DPYD: variants seen among roughly 807,000 people sequenced by gnomAD.
DPYD encodes dihydropyrimidine dehydrogenase [NADP(+)].
A neutral mutation model predicts 116.2 loss-of-function variants in DPYD; 109 were observed. That is an observed-to-expected ratio of 0.94 (90% CI 0.80 to 1.10). The LOEUF (loss-of-function observed/expected upper bound fraction) is 1.10, where lower values mean the gene tolerates loss of function less well. Ranked by LOEUF, DPYD falls within the 50% of genes least tolerant of loss-of-function variation. The pLI, the probability that DPYD is intolerant of heterozygous loss-of-function variation, is 0.00. For synonymous variants in DPYD, 440 were observed against 432.0 expected (o/e 1.02, Z -0.23); for missense variants, 1,302 against 1,254.5 (o/e 1.04, Z -0.57).
intron 2 of DPYD, among the ~76,000 whole-genome samples, chr1:97,845,542 A>G (rs963062026): frequency 2.6e-5 from 4 of 152,172 alleles, no homozygotes; most frequent in Non-Finnish European, 5.9e-5. Flanking sequence ...GTTCTGTCAC[A>G]CAGTGAAGCT....
intron 13 of DPYD, among the ~76,000 whole-genome samples, chr1:97,460,107 A>G (rs1004034375): frequency 2.6e-5 from 4 of 152,198 alleles, no homozygotes; most frequent in Non-Finnish European, 5.9e-5. Flanking sequence ...TTTTTGTAGT[A>G]TGCAATTTTT....
chr1:97,613,673 TTAAG>T (rs1571061959), intron 8 of DPYD, among the ~76,000 whole-genome samples: 1 of 152,140 alleles, frequency 6.6e-6, no homozygotes, highest in East Asian at 1.9e-4. Context: ...AATATAGCGT[TTAAG>T]TAATAAAATG....
At chr1:97,327,386 C>A (rs116121466) in intron 16 of DPYD, among the ~76,000 whole-genome samples, 2,902 of 152,014 alleles carry the variant, frequency 0.019, 102 homozygotes, top group African/African-American at 0.066. Flanking sequence ...AACTATTTAC[C>A]ATAATTCATT....
intron 20 of DPYD, among the ~76,000 whole-genome samples, chr1:97,099,654 C>T (rs1650520447): frequency 6.6e-6 from 1 of 151,976 alleles, no homozygotes; most frequent in African/African-American, 2.4e-5. Context: ...AGAATAAAGT[C>T]CATTTATCTA....
chr1:97,289,049 C>T (rs1665939299), intron 18 of DPYD, among the ~76,000 whole-genome samples: 1 of 152,170 alleles, frequency 6.6e-6, no homozygotes, highest in South Asian at 2.1e-4. Flanking sequence ...TAAGAGAATA[C>T]TACAAACACC....
chr1:97,510,102 C>A (rs1247238096), intron 13 of DPYD, among the ~76,000 whole-genome samples: 1 of 151,030 alleles, frequency 6.6e-6, no homozygotes, highest in African/African-American at 2.4e-5. Flanking sequence ...ACAAAACAAA[C>A]AAACAAACAA....
chr1:97,415,327 A>G (rs12024396), intron 14 of DPYD, among the ~76,000 whole-genome samples: 65,983 of 151,944 alleles, frequency 0.43, 14,854 homozygotes, highest in Admixed American at 0.52. Flanking sequence ...ATAACACTTC[A>G]TCTACAATTA....
intron 20 of DPYD, among the ~76,000 whole-genome samples, chr1:97,178,023 C>CCA (rs1657409742): frequency 6.6e-6 from 1 of 151,986 alleles, no homozygotes; most frequent in Admixed American, 6.6e-5. Flanking sequence ...TCCAAAGGCC[C>CCA]CACCTCCTAA....
chr1:97,157,441 T>C (rs1436170591), intron 20 of DPYD, among the ~76,000 whole-genome samples: 4 of 152,118 alleles, frequency 2.6e-5, no homozygotes, highest in African/African-American at 9.7e-5. Context: ...TATCTACTTA[T>C]GTGGGATTTT....
chr1:97,653,058 A>G (rs1011012291), intron 8 of DPYD, among the ~76,000 whole-genome samples: 13 of 151,702 alleles, frequency 8.6e-5, no homozygotes, highest in African/African-American at 2.7e-4. Flanking sequence ...TAAAGACTCA[A>G]CCCCCTAGAT....
chr1:97,282,600 T>G (rs1665397965), intron 18 of DPYD, among the ~76,000 whole-genome samples: 1 of 152,106 alleles, frequency 6.6e-6, no homozygotes, highest in South Asian at 2.1e-4. Flanking sequence ...TATTTTAGGT[T>G]CAAGGGGTAC....
At chr1:97,179,831 T>C (rs1657531141) in intron 20 of DPYD, among the ~76,000 whole-genome samples, 1 of 152,126 alleles carries the variant, frequency 6.6e-6, no homozygotes, top group Non-Finnish European at 1.5e-5. Flanking sequence ...TTTTTAAGAT[T>C]ATACAGCATA....
chr1:97,719,140 A>T (rs1461653854), intron 5 of DPYD, among the ~76,000 whole-genome samples: 1 of 144,492 alleles, frequency 6.9e-6, no homozygotes. Flanking sequence ...AGGAATGACA[A>T]CACAAGATCC....
chr1:97,258,061 T>G (rs11165822), intron 18 of DPYD, among the ~76,000 whole-genome samples: 58,692 of 152,012 alleles, frequency 0.39, 12,186 homozygotes, highest in African/African-American at 0.54. Context: ...AGCAAAAGGA[T>G]ACAGATCTGG....
intron 19 of DPYD, among the ~76,000 whole-genome samples, chr1:97,202,189 G>A (rs1659257019): frequency 6.6e-6 from 1 of 152,108 alleles, no homozygotes; most frequent in Admixed American, 6.6e-5. Context: ...TGCCGAAATG[G>A]ATAAGTAGTT....
chr1:97,842,021 T>C (rs984069377), intron 2 of DPYD, among the ~76,000 whole-genome samples: 3 of 151,822 alleles, frequency 2.0e-5, no homozygotes, highest in Non-Finnish European at 2.9e-5. Flanking sequence ...ACTTCATAGA[T>C]ATTGCCTTTT....
chr1:97,531,219 T>C (rs1649603365), intron 12 of DPYD, among the ~76,000 whole-genome samples: 1 of 152,244 alleles, frequency 6.6e-6, no homozygotes, highest in South Asian at 2.1e-4. Context: ...TTTTCCCATA[T>C]GCTTCCTTCT....
intron 20 of DPYD, among the ~76,000 whole-genome samples, chr1:97,121,590 T>C (rs1182867023): frequency 6.6e-6 from 1 of 152,134 alleles, no homozygotes; most frequent in East Asian, 1.9e-4. Context: ...GGCTGCATTA[T>C]ATAGGTTGAT....
At chr1:97,747,241 C>A (rs74108303) in intron 3 of DPYD, among the ~76,000 whole-genome samples, 15,670 of 151,976 alleles carry the variant, frequency 0.1, 912 homozygotes, top group Middle Eastern at 0.14. Context: ...GAAAAAAATA[C>A]GTAAAAGCAT....
Sources: allele counts gnomAD v4.1 joint callset (sites outside exome capture counted in the v4.1 genomes callset), GRCh38; gene constraint gnomAD v4.1.1; transcripts MANE v1.5; gene names NCBI Gene and HGNC (gene_info 2026-07-23, HGNC 2026-07-21).